Variants in ACTR3C observed in about 807,000 individuals in gnomAD.
ACTR3C encodes the protein actin related protein 3C.
A neutral mutation model predicts 26.3 loss-of-function variants in ACTR3C; 18 were observed. That is an observed-to-expected ratio of 0.68 (90% CI 0.47 to 1.01). ACTR3C has a LOEUF of 1.01. ACTR3C is among the 50% of genes least tolerant of loss of function. The pLI is 0.00. For missense variants in ACTR3C, 184 were observed against 250.7 expected (o/e 0.73, Z 1.80); for synonymous variants, 55 against 94.5 (o/e 0.58, Z 2.42).
At chr7:149,892,358 G>C in the ACTR3C span, 1 of 1,598,882 alleles carries the variant, frequency 6.3e-7, no homozygotes, top group Admixed American at 1.7e-5. Context: ...CTCTCCTTTG[G>C]GCTTGGTCAA....
the ACTR3C span, among the ~76,000 whole-genome samples, chr7:149,890,586 A>G: frequency 2.0e-5 from 3 of 151,966 alleles, no homozygotes; most frequent in African/African-American, 7.3e-5. Context: ...ATCCAAATCC[A>G]TTCCTCCTTC....
At chr7:149,978,259 A>C in the ACTR3C span, among the ~76,000 whole-genome samples, 3 of 152,140 alleles carry the variant, frequency 2.0e-5, no homozygotes, top group Non-Finnish European at 2.9e-5. Flanking sequence ...GGACATAAGT[A>C]TTTCCCTTTC....
chr7:150,308,441 A>G (rs1285886344), intron 1 of ACTR3C, among the ~76,000 whole-genome samples: 2 of 152,152 alleles, frequency 1.3e-5, no homozygotes, highest in Non-Finnish European at 2.9e-5. Flanking sequence ...CAAGACCTAG[A>G]TAAATTTTGT....
At chr7:150,220,900 G>C in the ACTR3C span, among the ~76,000 whole-genome samples, 1 of 152,298 alleles carries the variant, frequency 6.6e-6, no homozygotes, top group Non-Finnish European at 1.5e-5. Context: ...CCACCCAGCA[G>C]GGGTTAAGGA....
At chr7:150,313,187 T>C (rs1441410342) in intron 1 of ACTR3C, among the ~76,000 whole-genome samples, 1 of 152,178 alleles carries the variant, frequency 6.6e-6, no homozygotes, top group Non-Finnish European at 1.5e-5. Flanking sequence ...CTTCGCTGAC[T>C]CTCTTTTCAG....
the ACTR3C span, among the ~76,000 whole-genome samples, chr7:150,198,752 T>TG: frequency 2.8e-3 from 268 of 96,114 alleles, 1 homozygote; most frequent in Admixed American, 3.7e-3. Flanking sequence ...GGGAGGGAGG[T>TG]GGGGGGGGGT....
At chr7:150,031,566 C>A in the ACTR3C span, among the ~76,000 whole-genome samples, 1 of 152,190 alleles carries the variant, frequency 6.6e-6, no homozygotes, top group African/African-American at 2.4e-5. Flanking sequence ...AACTCAGGGC[C>A]TCTATGCCAC....
chr7:150,070,208 T>C, the ACTR3C span, among the ~76,000 whole-genome samples: 1 of 152,178 alleles, frequency 6.6e-6, no homozygotes, highest in Non-Finnish European at 1.5e-5. Flanking sequence ...CTGGAGGCTC[T>C]GGGAGGGCCT....
the ACTR3C span, among the ~76,000 whole-genome samples, chr7:149,884,291 C>T: frequency 2.0e-5 from 3 of 152,142 alleles, no homozygotes; most frequent in African/African-American, 7.2e-5. Flanking sequence ...GACCAGAGTC[C>T]TGTGTGGATT....
At chr7:150,017,526 C>T in the ACTR3C span, among the ~76,000 whole-genome samples, 1 of 150,224 alleles carries the variant, frequency 6.7e-6, no homozygotes, top group Admixed American at 6.6e-5. Flanking sequence ...GCAGGTGGGC[C>T]AGGAACATCG....
the ACTR3C span, among the ~76,000 whole-genome samples, chr7:150,185,364 T>C: frequency 6.6e-6 from 1 of 152,094 alleles, no homozygotes; most frequent in African/African-American, 2.4e-5. Context: ...CAGATTATGA[T>C]AGAAGTTTAT....
At chr7:150,198,725 C>A in the ACTR3C span, among the ~76,000 whole-genome samples, 1 of 133,264 alleles carries the variant, frequency 7.5e-6, no homozygotes, top group African/African-American at 2.7e-5. Flanking sequence ...CGTCTCCGCC[C>A]GGCAGCCACC....
At chr7:150,106,470 T>C in the ACTR3C span, among the ~76,000 whole-genome samples, 2 of 150,944 alleles carry the variant, frequency 1.3e-5, no homozygotes, top group Non-Finnish European at 2.9e-5. Context: ...TATTCCCTCA[T>C]TGTAGCTTTG....
intron 1 of ACTR3C, among the ~76,000 whole-genome samples, chr7:150,306,175 A>G (rs2129614765): frequency 6.6e-6 from 1 of 152,218 alleles, no homozygotes; most frequent in South Asian, 2.1e-4. Context: ...GGCCTTTTCC[A>G]TGTTCACACC....
At chr7:149,957,893 G>C in the ACTR3C span, among the ~76,000 whole-genome samples, 1 of 152,142 alleles carries the variant, frequency 6.6e-6, no homozygotes, top group African/African-American at 2.4e-5. Flanking sequence ...TCTTAGAGAA[G>C]AGAGCCGCAT....
the ACTR3C span, among the ~76,000 whole-genome samples, chr7:149,982,535 A>T: frequency 6.6e-6 from 1 of 152,094 alleles, no homozygotes; most frequent in Non-Finnish European, 1.5e-5. Flanking sequence ...AACAAAACCA[A>T]GAGTCAGAAA....
chr7:150,283,571 T>C (rs1332596922), intron 6 of ACTR3C, among the ~76,000 whole-genome samples: 1 of 151,506 alleles, frequency 6.6e-6, no homozygotes, highest in Non-Finnish European at 1.5e-5. Flanking sequence ...TTAGCATACA[T>C]AATTCAAAAA....
At chr7:150,008,137 T>C in the ACTR3C span, among the ~76,000 whole-genome samples, 3 of 152,254 alleles carry the variant, frequency 2.0e-5, no homozygotes, top group Non-Finnish European at 4.4e-5. Context: ...TGCATTCAGC[T>C]AAAACCCTCT....
the ACTR3C span, among the ~76,000 whole-genome samples, chr7:150,023,306 G>GATACATACATACATACATAC: frequency 6.2e-5 from 3 of 48,636 alleles, no homozygotes; most frequent in African/African-American, 2.2e-4. Context: ...TAGATAGATA[G>GATACATACATACATACATAC]ATAGATAGAT....
Sources: gnomAD v4.1 joint callset for allele counts (sites outside exome capture counted in the v4.1 genomes callset) on GRCh38, gnomAD v4.1.1 for gene constraint, MANE v1.5 for transcripts, NCBI Gene and HGNC (gene_info 2026-07-23, HGNC 2026-07-21) for gene names.